Variants in QTMAN observed in about 807,000 individuals in gnomAD.
QTMAN encodes queuosine-tRNA mannosyltransferase, also known as tRNA-queuosine alpha-mannosyltransferase.
chr2:144,128,900 A>C, the QTMAN span, among the ~76,000 whole-genome samples: 1 of 151,726 alleles, frequency 6.6e-6, no homozygotes, highest in East Asian at 1.9e-4. Flanking sequence ...AATTTTCAAA[A>C]ACTTATGAAT....
the QTMAN span, among the ~76,000 whole-genome samples, chr2:144,048,422 G>A: frequency 1.3e-5 from 2 of 152,180 alleles, no homozygotes; most frequent in East Asian, 1.9e-4. Context: ...GCTAGGAGCA[G>A]AGGTAAAACA....
At chr2:144,120,327 C>G in the QTMAN span, among the ~76,000 whole-genome samples, 1 of 152,284 alleles carries the variant, frequency 6.6e-6, no homozygotes, top group African/African-American at 2.4e-5. Context: ...GTGCCTCACT[C>G]AAGTCCAACT....
the QTMAN span, among the ~76,000 whole-genome samples, chr2:144,100,631 TC>T: frequency 6.6e-6 from 1 of 152,136 alleles, no homozygotes; most frequent in African/African-American, 2.4e-5. Flanking sequence ...TCCAATGTTA[TC>T]AATATATTCT....
chr2:144,208,503 C>T, the QTMAN span: 1 of 995,706 alleles, frequency 1.0e-6, no homozygotes, highest in Non-Finnish European at 1.5e-6. Context: ...TAACCAATTC[C>T]ATAGTTGGAG....
chr2:144,077,645 A>G, the QTMAN span, among the ~76,000 whole-genome samples: 4 of 152,208 alleles, frequency 2.6e-5, no homozygotes, highest in African/African-American at 9.6e-5. Context: ...GGTTGTGTCT[A>G]TCTACACAAA....
chr2:144,183,962 C>T, the QTMAN span, among the ~76,000 whole-genome samples: 2 of 152,090 alleles, frequency 1.3e-5, no homozygotes, highest in Admixed American at 6.6e-5. Flanking sequence ...GCAAACCACC[C>T]TCATGATGGC....
chr2:144,295,680 G>A, the QTMAN span, among the ~76,000 whole-genome samples: 3 of 152,062 alleles, frequency 2.0e-5, no homozygotes, highest in Admixed American at 6.5e-5. Context: ...TGGCAAGACT[G>A]TGGCTCACTG....
chr2:143,966,817 A>G, the QTMAN span, among the ~76,000 whole-genome samples: 1 of 152,256 alleles, frequency 6.6e-6, no homozygotes, highest in African/African-American at 2.4e-5. Context: ...AGACTCTACA[A>G]AGTTGCTGAG....
chr2:144,108,647 A>T, the QTMAN span, among the ~76,000 whole-genome samples: 2 of 151,926 alleles, frequency 1.3e-5, no homozygotes, highest in African/African-American at 4.8e-5. Context: ...CAATTAAAAA[A>T]AAAAAAAAGA....
the QTMAN span, among the ~76,000 whole-genome samples, chr2:144,199,484 A>G: frequency 2.2e-4 from 34 of 152,170 alleles, no homozygotes. Flanking sequence ...GATAGCTAAC[A>G]TGACAGTCAA....
chr2:144,285,521 T>C, the QTMAN span, among the ~76,000 whole-genome samples: 5 of 152,334 alleles, frequency 3.3e-5, no homozygotes, highest in Middle Eastern at 3.4e-3. Context: ...GTCACACAGC[T>C]AGAAAGTGGC....
At chr2:144,147,035 AC>A in the QTMAN span, among the ~76,000 whole-genome samples, 1 of 151,952 alleles carries the variant, frequency 6.6e-6, no homozygotes, top group African/African-American at 2.4e-5. Flanking sequence ...GATTACAACT[AC>A]TATAAATCCT....
At chr2:144,230,441 C>A in the QTMAN span, 1 of 152,118 alleles carries the variant, frequency 6.6e-6, no homozygotes, top group African/African-American at 2.4e-5. Context: ...CTTTAATTTA[C>A]ATTCTGAGAT....
At chr2:144,183,977 T>C in the QTMAN span, among the ~76,000 whole-genome samples, 1 of 152,256 alleles carries the variant, frequency 6.6e-6, no homozygotes. Flanking sequence ...GATGGCTACG[T>C]ACAGTGGCGT....
chr2:144,255,340 T>C, the QTMAN span, among the ~76,000 whole-genome samples: 1 of 152,144 alleles, frequency 6.6e-6, no homozygotes, highest in African/African-American at 2.4e-5. Flanking sequence ...GAGTGAGTTC[T>C]CAAAAGATCT....
the QTMAN span, among the ~76,000 whole-genome samples, chr2:144,069,286 G>C: frequency 1.4e-5 from 2 of 146,498 alleles, no homozygotes; most frequent in East Asian, 3.9e-4. Flanking sequence ...CAGTCTTATG[G>C]GAATCTTTTA....
chr2:144,225,736 A>G, the QTMAN span, among the ~76,000 whole-genome samples: 1 of 152,190 alleles, frequency 6.6e-6, no homozygotes, highest in Non-Finnish European at 1.5e-5. Context: ...GACTTAGTCA[A>G]TTACTCACCC....
the QTMAN span, chr2:144,177,318 C>T: frequency 3.6e-5 from 22 of 604,826 alleles, no homozygotes; most frequent in African/African-American, 1.9e-4. Flanking sequence ...TTTTCATAGC[C>T]GAAGACTATG....
the QTMAN span, among the ~76,000 whole-genome samples, chr2:144,103,124 T>C: frequency 6.6e-6 from 1 of 152,212 alleles, no homozygotes; most frequent in Non-Finnish European, 1.5e-5. Flanking sequence ...CAACTAGCAT[T>C]TACTGAATGC....
Sources: allele counts gnomAD v4.1 joint callset (sites outside exome capture counted in the v4.1 genomes callset), GRCh38; gene constraint gnomAD v4.1.1; transcripts MANE v1.5; gene names NCBI Gene and HGNC (gene_info 2026-07-23, HGNC 2026-07-21).